Variants in PRKN observed in about 807,000 individuals in gnomAD.
PRKN encodes the protein E3 ubiquitin-protein ligase parkin.
Under a neutral mutation model 59.5 loss-of-function variants are expected in PRKN, and 56 were observed. That is an observed-to-expected ratio of 0.94 (90% CI 0.76 to 1.18). The LOEUF is 1.18. Among genes scored for constraint, PRKN ranks in the 50% most tolerant of loss-of-function variants. PRKN has a pLI of 0.00. For missense variants in PRKN, 657 were observed against 596.4 expected (o/e 1.10, Z -1.06); for synonymous variants, 250 against 222.1 (o/e 1.13, Z -1.12).
intron 6 of PRKN, among the ~76,000 whole-genome samples, chr6:161,884,812 A>C (rs1167292539): frequency 6.6e-6 from 1 of 152,158 alleles, no homozygotes; most frequent in Admixed American, 6.5e-5. Flanking sequence ...TTGTCTACAC[A>C]AAGGGTCAGC....
chr6:162,307,747 A>C (rs1449389687), intron 2 of PRKN, among the ~76,000 whole-genome samples: 1 of 152,226 alleles, frequency 6.6e-6, no homozygotes, highest in Non-Finnish European at 1.5e-5. Flanking sequence ...AATAATTTTC[A>C]TATAAACTCA....
chr6:162,508,362 T>C (rs1562341289), intron 1 of PRKN, among the ~76,000 whole-genome samples: 1 of 152,240 alleles, frequency 6.6e-6, no homozygotes, highest in Non-Finnish European at 1.5e-5. Flanking sequence ...CACTTGCTTA[T>C]GTCACATTAT....
In PRKN at chr6:161,385,834, A is replaced by G. The variant is rs1420008381; in HGVS notation, c.1167+960T>C. On this transcript the variant is annotated intron_variant, in intron 10 of 11. Transcript: ENST00000366898. The surrounding 1 kb of genome is among the most constrained non-coding windows in gnomAD (Gnocchi z 4.9). ...GAGCATTTGCTGCCTGGGCTATGGAAATGGCAACTCAGTCCTAAATCCACT... is the reference window on the plus strand; with the variant it reads ...GAGCATTTGCTGCCTGGGCTATGGAGATGGCAACTCAGTCCTAAATCCACT... Among the ~76,000 whole-genome samples, 1 of 152,216 alleles carries G rather than the reference A, an allele frequency of 6.6e-6. No individual in the cohort carries two copies. Among genetic ancestry groups the G allele is most frequent in the Non-Finnish European group, 1.5e-5 (1 of 68,030 alleles).
intron 3 of PRKN, among the ~76,000 whole-genome samples, chr6:162,256,225 G>C (rs1029350782): frequency 4.0e-5 from 6 of 151,852 alleles, no homozygotes; most frequent in Non-Finnish European, 8.8e-5. Flanking sequence ...TTGTCATAAG[G>C]GTTTCATTTT....
At chr6:162,587,877 T>C (rs965086852) in intron 1 of PRKN, among the ~76,000 whole-genome samples, 1 of 152,170 alleles carries the variant, frequency 6.6e-6, no homozygotes, top group African/African-American at 2.4e-5. Context: ...GAGAAAAATG[T>C]ATCTATGTTG....
chr6:161,766,609 C>T (rs139747648), intron 7 of PRKN, among the ~76,000 whole-genome samples: 11 of 152,216 alleles, frequency 7.2e-5, no homozygotes, highest in Admixed American at 3.9e-4. Flanking sequence ...CCCCTCCCCA[C>T]GGTTCCACAG....
Position 161,429,460 on chromosome 6 carries a change from A to C in PRKN, c.1084-42583T>G, listed in dbSNP as rs561922866. ...TAAGAGGGACGGAGAAATAACACGA[A>C]TGTGGTGAGGCAGGGTGGTATCCCC... On this transcript the variant is annotated intron_variant, in intron 9 of 11. Transcript: ENST00000366898. The surrounding 1 kb of genome is among the most constrained non-coding windows in gnomAD (Gnocchi z 4.2). Among the ~76,000 whole-genome samples, 1 of 152,164 alleles carries C rather than the reference A, an allele frequency of 6.6e-6. No individual in the cohort carries two copies. Among genetic ancestry groups the C allele is most frequent in the Non-Finnish European group, 1.5e-5 (1 of 68,024 alleles).
intron 9 of PRKN, among the ~76,000 whole-genome samples, chr6:161,481,249 C>G (rs962302131): frequency 6.6e-6 from 1 of 152,162 alleles, no homozygotes; most frequent in Non-Finnish European, 1.5e-5. Flanking sequence ...TCAACTCTCC[C>G]ACCCAACATA....
chr6:162,351,459 C>T (rs138634483), intron 2 of PRKN, among the ~76,000 whole-genome samples: 1,686 of 152,240 alleles, frequency 0.011, 15 homozygotes, highest in African/African-American at 0.032. Context: ...GAATATAAAA[C>T]AACTAGAATT....
intron 4 of PRKN, among the ~76,000 whole-genome samples, chr6:162,060,798 A>G (rs1562489659): frequency 6.6e-6 from 1 of 152,220 alleles, no homozygotes; most frequent in Non-Finnish European, 1.5e-5. Context: ...AAACCATGGC[A>G]TTTACAGTTT....
At position 161,397,324 on chromosome 6, in the gene PRKN, G is replaced by C. The variant is rs1310902470; in HGVS notation, c.1084-10447C>G. The stretch of plus-strand genomic sequence containing the variant: ...GCTGAAGGACAATTGTGTACTCCAT[G>C]ATACAATGCACAATCATGGGTTGAA... On this transcript the variant is annotated intron_variant, in intron 9 of 11. Transcript: ENST00000366898. This position sits in a 1 kb window ranked among gnomAD's most constrained non-coding sequence, Gnocchi z 4.2. Among the ~76,000 whole-genome samples the C allele has an allele frequency of 6.6e-6, 1 of 152,182 alleles. No homozygotes were observed. The highest frequency in any genetic ancestry group is 1.9e-4 in the East Asian group (1 of 5,192).
intron 9 of PRKN, among the ~76,000 whole-genome samples, chr6:161,493,120 T>C (rs1037159541): frequency 1.3e-5 from 2 of 152,210 alleles, no homozygotes; most frequent in African/African-American, 4.8e-5. Flanking sequence ...CTATCTGAAA[T>C]GTCTTCTTGG....
rs35013267 is a variant in PRKN, at chr6:161,371,170, ATT to A, written c.1168-10967_1168-10966del. On this transcript the variant is annotated intron_variant, in intron 10 of 11. Transcript: ENST00000366898. This position sits in a 1 kb window ranked among gnomAD's most constrained non-coding sequence, Gnocchi z 5.5. ...TGTATATATTTAAATGTATTTTGTTATTTTTTTTTTTGAGACGTTGTTTCGCT... is the reference window on the plus strand; with the variant it reads ...TGTATATATTTAAATGTATTTTGTTATTTTTTTTTGAGACGTTGTTTCGCT... Among the ~76,000 whole-genome samples, 2,341 of 149,286 alleles carry A rather than the reference ATT, an allele frequency of 0.016. 54 individuals carry two copies. The highest frequency in any genetic ancestry group is 0.055 in the African/African-American group (2,237 of 40,808).
chr6:161,625,319 A>T (rs1464188196), intron 7 of PRKN, among the ~76,000 whole-genome samples: 1 of 151,820 alleles, frequency 6.6e-6, no homozygotes, highest in Non-Finnish European at 1.5e-5. Context: ...AAGGACAGAA[A>T]ACCAAACACC....
chr6:162,009,684 C>T (rs558379801), intron 5 of PRKN, among the ~76,000 whole-genome samples: 10 of 151,802 alleles, frequency 6.6e-5, no homozygotes, highest in Non-Finnish European at 8.8e-5. Flanking sequence ...GCCTGTAATC[C>T]CAGCACTTTG....
intron 7 of PRKN, among the ~76,000 whole-genome samples, chr6:161,743,636 CG>C (rs1392443005): frequency 6.6e-6 from 1 of 151,998 alleles, no homozygotes; most frequent in African/African-American, 2.4e-5. Context: ...CCCCCACTTG[CG>C]TAAGTCCCTG....
At chr6:162,310,037 T>TG (rs1782420587) in intron 2 of PRKN, among the ~76,000 whole-genome samples, 1 of 152,188 alleles carries the variant, frequency 6.6e-6, no homozygotes, top group Non-Finnish European at 1.5e-5. Flanking sequence ...GCAAAGGACA[T>TG]GATCTCATTC....
intron 5 of PRKN, among the ~76,000 whole-genome samples, chr6:162,040,807 G>A (rs1168629053): frequency 1.3e-5 from 2 of 151,948 alleles, no homozygotes; most frequent in African/African-American, 2.4e-5. Context: ...CATTGAGGGA[G>A]GTCAAGTTAG....
intron 5 of PRKN, among the ~76,000 whole-genome samples, chr6:162,043,227 T>A (rs1336878810): frequency 6.6e-6 from 1 of 152,162 alleles, no homozygotes; most frequent in Non-Finnish European, 1.5e-5. Flanking sequence ...CACATGGGAA[T>A]TTTGGGAGAC....
Sources: allele counts gnomAD v4.1 joint callset (sites outside exome capture counted in the v4.1 genomes callset), GRCh38; gene constraint gnomAD v4.1.1; non-coding constraint Gnocchi (gnomAD v3.1); transcripts MANE v1.5; gene names NCBI Gene and HGNC (gene_info 2026-07-23, HGNC 2026-07-21).